SEC24C: variants seen among roughly 807,000 people sequenced by gnomAD.
SEC24C encodes protein transport protein Sec24C.
Under a neutral mutation model 117.0 loss-of-function variants are expected in SEC24C, and 22 were observed. That is an observed-to-expected ratio of 0.19 (90% CI 0.13 to 0.27). SEC24C has a LOEUF of 0.27. SEC24C is among the 10% of genes least tolerant of loss of function. The pLI is 1.00. For missense variants in SEC24C, 1,155 were observed against 1,375.1 expected (o/e 0.84, Z 2.53); for synonymous variants, 506 against 529.4 (o/e 0.96, Z 0.61).
chr10:73,771,643 GCT>G lies in SEC24C; in HGVS notation c.*554_*555del, dbSNP rs1407397104. The G allele has an allele frequency of 1.9e-5, 3 of 156,290 alleles. No individual in the cohort carries two copies. The highest frequency in any genetic ancestry group is 7.2e-5 in the African/African-American group (3 of 41,460). 9.7% of individuals were successfully genotyped at this position (156,290 alleles called of 1,614,324 possible). ...GTTTCTCTGCTTTCACTGCTCGCTC[GCT>G]CTCTCCTGCAATGATTGATGATCAC... On this transcript the variant is annotated 3_prime_UTR_variant, in exon 23 of 23. Coordinates refer to ENST00000345254, the MANE Select transcript of SEC24C (RefSeq NM_198597.3).
intron 3 of SEC24C, among the ~76,000 whole-genome samples, chr10:73,753,736 A>G (rs2082673762): frequency 6.6e-6 from 1 of 152,184 alleles, no homozygotes; most frequent in African/African-American, 2.4e-5. Context: ...CACAGGAAAA[A>G]CACTTGGTGT....
chr10:73,769,662 C>G lies in SEC24C; in HGVS notation c.2611C>G (p.Leu871Val), dbSNP rs200198073. 2 of 1,614,190 alleles carry G rather than the reference C, an allele frequency of 1.2e-6. No individual in the cohort carries two copies. Among genetic ancestry groups the G allele is most frequent in the Non-Finnish European group, 1.7e-6 (2 of 1,180,032 alleles). ...CCCTGTGAAGGCTGTTCGTGACACG[C>G]TCATCACCCAGTGTGCCCAGATCCT... ...NSPVKAVRDT[L>V]ITQCAQILAC... The change falls in exon 19 of 23, where the codon CTC becomes GTC. Residue 871 changes from leucine (L) to valine (V), a missense_variant. Transcript: ENST00000345254. The surrounding 1 kb of genome is among the most constrained non-coding windows in gnomAD (Gnocchi z 4.5).
chr10:73,772,087 C>G lies in SEC24C; in HGVS notation c.*992C>G. 2 of 392,904 alleles carry G rather than the reference C, an allele frequency of 5.1e-6. No individual in the cohort carries two copies. The highest frequency in any genetic ancestry group is 4.5e-6 in the Non-Finnish European group (1 of 222,170). The allele number at this position is 392,904 out of a possible 1,614,324, so 24.3% of individuals were successfully genotyped here. A position where few individuals can be genotyped will look rare whatever the true frequency, so the allele number is the denominator to read the frequency against. ...CACCTGGGATGCCCCTGCTCTGGAC[C>G]TCTCATTTCTCTTCATTGGTTTATT... On this transcript the variant is annotated 3_prime_UTR_variant, in exon 23 of 23. Coordinates refer to ENST00000345254, the MANE Select transcript of SEC24C (RefSeq NM_198597.3).
chr10:73,756,604 A>ATT, intron 3 of SEC24C, among the ~76,000 whole-genome samples: 1 of 147,196 alleles, frequency 6.8e-6, no homozygotes, highest in South Asian at 2.2e-4. Flanking sequence ...TCTCAGTAAT[A>ATT]TTTTTTTTTT....
At chr10:73,770,037 T>C (rs371395578) in intron 20 of SEC24C, 22 bp downstream of exon 20, 88 of 1,611,792 alleles carry the variant, frequency 5.5e-5, no homozygotes, top group Non-Finnish European at 7.4e-5. Flanking sequence ...GGTTGGAGTA[T>C]GAGATCTTGC....
intron 15 of SEC24C, 119 bp from the exon 16 acceptor site, chr10:73,768,691 C>G: frequency 1.2e-6 from 1 of 854,476 alleles, no homozygotes; most frequent in South Asian, 1.5e-5. Context: ...CATTATCATC[C>G]TCACTGTTAT....
At chr10:73,757,414 G>A (rs1021950071) in intron 3 of SEC24C, among the ~76,000 whole-genome samples, 26 of 150,708 alleles carry the variant, frequency 1.7e-4, no homozygotes, top group Non-Finnish European at 3.4e-4. Flanking sequence ...CAGAGGTGGA[G>A]GCAGGAGGAT....
chr10:73,759,828 C>T, intron 4 of SEC24C, 34 bp downstream of exon 4: 1 of 1,527,898 alleles, frequency 6.5e-7, no homozygotes, highest in East Asian at 2.3e-5. Context: ...TGTTACTGTC[C>T]CCTGTTCAGA....
In SEC24C at chr10:73,769,984, A is replaced by T. The variant is rs1275103867; in HGVS notation, c.2831A>T (p.Asn944Ile). 1 of 1,614,136 alleles carries T rather than the reference A, an allele frequency of 6.2e-7. No individual in the cohort carries two copies. The highest frequency in any genetic ancestry group is 2.2e-5 in the East Asian group (1 of 44,876). ...LVTSMDVTET[N>I]VFFYPRLLPL... The stretch of plus-strand genomic sequence containing the variant: ...ACCTCCATGGATGTGACTGAGACCA[A>T]TGTCTTCTTCTACCCTCGGCTCTTA... Residue 944 changes from asparagine to isoleucine, a missense_variant, in exon 20 of 23, where the codon AAT (asparagine) becomes ATT (isoleucine). Physicochemically the swap from Asn to Ile is moderately radical, Grantham distance 149 (BLOSUM62 -3). Coordinates refer to ENST00000345254, the MANE Select transcript of SEC24C (RefSeq NM_198597.3). This position sits in a 1 kb window ranked among gnomAD's most constrained non-coding sequence, Gnocchi z 4.5.
At position 73,744,918 on chromosome 10, in the gene SEC24C, G is replaced by A. The variant is rs541196956; in HGVS notation, c.-29+481G>A. On this transcript the variant is annotated intron_variant, in intron 1 of 22. Transcript: ENST00000345254. ...GAGGGGATTATTTTCTGGAGAAGAA[G>A]CTCCTTTCTTTACCCCTCCCCCCGG... Among the ~76,000 whole-genome samples the A allele has an allele frequency of 2.0e-5, 3 of 152,236 alleles. No individual in the cohort carries two copies. The East Asian group carries it at 5.8e-4, about 29-fold the overall frequency.
chr10:73,761,302 AG>A (rs2082792932), intron 6 of SEC24C, among the ~76,000 whole-genome samples: 2 of 152,188 alleles, frequency 1.3e-5, no homozygotes, highest in South Asian at 4.1e-4. Flanking sequence ...GGACAGTTTT[AG>A]GAGGAAGTCC....
At chr10:73,746,669 G>A (rs545611620) in intron 1 of SEC24C, 136 bp from the exon 2 acceptor site, 3 of 529,778 alleles carry the variant, frequency 5.7e-6, no homozygotes, top group African/African-American at 3.9e-5. Context: ...AAATTACTAA[G>A]ATCCTGTGGA....
chr10:73,746,842 A>C lies in SEC24C; in HGVS notation c.10A>C (p.Asn4His). The C allele has an allele frequency of 6.2e-7, 1 of 1,607,072 alleles. No homozygotes were observed. The highest frequency in any genetic ancestry group is 8.5e-7 in the Non-Finnish European group (1 of 1,176,414). The change falls in exon 2 of 23, where the codon AAC (asparagine) becomes CAC (histidine). Residue 4 changes from asparagine (N) to histidine (H), a missense_variant. Asn to His is a moderately conservative substitution (Grantham distance 68, BLOSUM62 1). This residue lies in a region of SEC24C where 396 missense variants were observed against 382.8 expected (regional missense o/e 1.03). Coordinates refer to ENST00000345254, the MANE Select transcript of SEC24C (RefSeq NM_198597.3). MNV[N>H]QSVPPVPPFG... Reference sequence around the variant, plus strand: ...TGGGAATGCTTTCATAATGAACGTCAACCAGTCAGTTCCACCTGTGCCACC... The same window carrying C: ...TGGGAATGCTTTCATAATGAACGTCCACCAGTCAGTTCCACCTGTGCCACC...
chr10:73,771,184 G>A lies in SEC24C; in HGVS notation c.*89G>A. 6.8e-7 allele frequency: 1 copy of A among 1,466,824 alleles called. No individual in the cohort carries two copies. Among genetic ancestry groups the A allele is most frequent in the Non-Finnish European group, 9.3e-7 (1 of 1,075,856 alleles). 90.9% of individuals were successfully genotyped at this position (1,466,824 alleles called of 1,614,324 possible). A position where few individuals can be genotyped will look rare whatever the true frequency, so the allele number is the denominator to read the frequency against. On this transcript the variant is annotated 3_prime_UTR_variant, in exon 23 of 23. Transcript: ENST00000345254. ...AAATTGGGACAGTAACATATCTTAT[G>A]TAAGCTGACCTCAGTCTCTCTGGGG...
At chr10:73,755,566 ACTTGGG>A (rs1243635930) in intron 3 of SEC24C, among the ~76,000 whole-genome samples, 1 of 151,678 alleles carries the variant, frequency 6.6e-6, no homozygotes, top group Non-Finnish European at 1.5e-5. Context: ...AGTCACAGCT[ACTTGGG>A]GGGCTGAGGC....
intron 3 of SEC24C, among the ~76,000 whole-genome samples, chr10:73,759,389 A>C (rs1463011300): frequency 6.6e-6 from 1 of 152,226 alleles, no homozygotes; most frequent in African/African-American, 2.4e-5. Context: ...CTTGACCTGA[A>C]GGTGCTTGGT....
chr10:73,765,938 G>C, intron 10 of SEC24C, 23 bp downstream of exon 10: 1 of 1,600,376 alleles, frequency 6.2e-7, no homozygotes, highest in Non-Finnish European at 8.6e-7. Context: ...AGCATGGGAG[G>C]AGCAGTGAGT....
At chr10:73,749,675 C>T (rs2082616737) in intron 2 of SEC24C, among the ~76,000 whole-genome samples, 3 of 151,990 alleles carry the variant, frequency 2.0e-5, no homozygotes, top group Non-Finnish European at 4.4e-5. Flanking sequence ...TCCCGAATAG[C>T]TGGGATTACA....
Position 73,766,859 on chromosome 10 carries a change from G to A in SEC24C, c.1893+6G>A, listed in dbSNP as rs2082891710. On this transcript the variant is annotated splice_donor_region_variant and intron_variant, in intron 13 of 22. Coordinates refer to ENST00000345254, the MANE Select transcript of SEC24C (RefSeq NM_198597.3). ...CTGGAATGGAGGCTCTGAAGGTAAGGCTGGAGTATCGGGCAACCTCCTCTA... is the reference window on the plus strand; with the variant it reads ...CTGGAATGGAGGCTCTGAAGGTAAGACTGGAGTATCGGGCAACCTCCTCTA... The A allele has an allele frequency of 6.2e-7, 1 of 1,612,928 alleles. No individual in the cohort carries two copies. The highest frequency in any genetic ancestry group is 8.5e-7 in the Non-Finnish European group (1 of 1,178,880).
Sources: gnomAD v4.1 joint callset for allele counts (sites outside exome capture counted in the v4.1 genomes callset) on GRCh38, gnomAD v4.1.1 for gene constraint, gnomAD v4.1.1 regional missense constraint, Gnocchi (gnomAD v3.1) non-coding constraint, MANE v1.5 for transcripts, NCBI Gene and HGNC (gene_info 2026-07-23, HGNC 2026-07-21) for gene names.